SORCS1: variants seen among roughly 807,000 people sequenced by gnomAD.
SORCS1 encodes sortilin related VPS10 domain containing receptor 1.
SORCS1 carries 60 observed loss-of-function variants against 146.1 expected under a neutral mutation model. The ratio of observed to expected loss-of-function variants is 0.41; its 90% CI spans 0.33 to 0.51. The LOEUF (loss-of-function observed/expected upper bound fraction) is 0.51, where lower values mean the gene tolerates loss of function less well. Ranked by LOEUF, SORCS1 falls within the 20% of genes least tolerant of loss-of-function variation. SORCS1 has a pLI of 0.21. For missense variants in SORCS1, 1,352 were observed against 1,487.6 expected, an observed-to-expected ratio of 0.91 and a Z score of 1.50; for synonymous variants, 637 against 584.0, an observed-to-expected ratio of 1.09 and a Z score of -1.31.
At chr10:106,653,918 C>T (rs1850074993) in intron 17 of SORCS1, among the ~76,000 whole-genome samples, 1 of 152,158 alleles carries the variant, frequency 6.6e-6, no homozygotes, top group Non-Finnish European at 1.5e-5. Context: ...CTTAGGATAG[C>T]TGTAAATTCT....
intron 1 of SORCS1, among the ~76,000 whole-genome samples, chr10:107,027,787 A>G (rs1047962371): frequency 1.3e-5 from 2 of 151,872 alleles, no homozygotes; most frequent in Non-Finnish European, 2.9e-5. Context: ...CCAAACACAA[A>G]CCATTATCTC....
At chr10:106,598,769 T>C (rs1338025919) in intron 23 of SORCS1, among the ~76,000 whole-genome samples, 1 of 152,134 alleles carries the variant, frequency 6.6e-6, no homozygotes, top group Non-Finnish European at 1.5e-5. Context: ...ATCCCTTTAT[T>C]TGTTAAGCAG....
At chr10:106,996,601 C>A (rs1957016129) in intron 1 of SORCS1, among the ~76,000 whole-genome samples, 1 of 152,158 alleles carries the variant, frequency 6.6e-6, no homozygotes, top group African/African-American at 2.4e-5. Context: ...TCCTGACCAC[C>A]ACTTGCCTTT....
At chr10:106,672,065 TC>T (rs1337005550) in intron 15 of SORCS1, among the ~76,000 whole-genome samples, 1 of 152,204 alleles carries the variant, frequency 6.6e-6, no homozygotes, top group Non-Finnish European at 1.5e-5. Flanking sequence ...TTCTGAAAGA[TC>T]AGAGTAGAAT....
chr10:106,746,373 G>GA (rs1305083379), intron 5 of SORCS1, among the ~76,000 whole-genome samples: 1 of 152,026 alleles, frequency 6.6e-6, no homozygotes, highest in Non-Finnish European at 1.5e-5. Flanking sequence ...AATAAAAGAG[G>GA]AAAAAAATCC....
At chr10:106,964,145 A>T (rs1026653391) in intron 1 of SORCS1, among the ~76,000 whole-genome samples, 1 of 152,206 alleles carries the variant, frequency 6.6e-6, no homozygotes, top group Non-Finnish European at 1.5e-5. Flanking sequence ...CTTCTGGTTT[A>T]CCTAAAGGTT....
At chr10:106,746,602 A>G (rs529205897) in intron 5 of SORCS1, among the ~76,000 whole-genome samples, 1 of 152,314 alleles carries the variant, frequency 6.6e-6, no homozygotes, top group African/African-American at 2.4e-5. Context: ...TTTTCAAAAA[A>G]GTGTTAAGGT....
chr10:106,654,287 T>A (rs1850109212), intron 17 of SORCS1, among the ~76,000 whole-genome samples: 4 of 152,234 alleles, frequency 2.6e-5, no homozygotes. Context: ...AAGATGTAAT[T>A]ATTCCCAATA....
intron 22 of SORCS1, 56 bp downstream of exon 22, chr10:106,611,852 ATTC>A: frequency 7.7e-7 from 1 of 1,306,674 alleles, no homozygotes. Flanking sequence ...TTTCTGTGAA[ATTC>A]TTCAAGGACA....
At chr10:106,697,494 T>C (rs1039945340) in intron 9 of SORCS1, among the ~76,000 whole-genome samples, 6 of 151,858 alleles carry the variant, frequency 4.0e-5, no homozygotes, top group African/African-American at 1.5e-4. Context: ...AACTACTTGG[T>C]ATAAAGAATG....
At chr10:107,029,203 T>C (rs570592645) in intron 1 of SORCS1, among the ~76,000 whole-genome samples, 2 of 152,346 alleles carry the variant, frequency 1.3e-5, no homozygotes, top group South Asian at 4.1e-4. Context: ...AACCTGACTT[T>C]ATGTTTGTTT....
rs568593334 is a variant in SORCS1, at chr10:107,004,798, T to C, written c.559-48218A>G. 3.3e-5 allele frequency among the ~76,000 whole-genome samples: 5 copies of C among 152,256 alleles called. No individual in the cohort carries two copies. In the South Asian group the frequency reaches 1.0e-3, roughly 32 times the overall value. The stretch of plus-strand genomic sequence containing the variant: ...AAAATATAAAACTTTTCATCTGCAC[T>C]CTAGTCGAGGCATTTTTAAAGGACA... On this transcript the variant is annotated intron_variant, in intron 1 of 25. Coordinates refer to ENST00000263054, the MANE Select transcript of SORCS1 (RefSeq NM_052918.5).
intron 5 of SORCS1, among the ~76,000 whole-genome samples, chr10:106,738,959 A>G (rs1857161517): frequency 6.6e-6 from 1 of 152,204 alleles, no homozygotes. Flanking sequence ...AAGTTCTGAG[A>G]TGACAGGCGT....
At chr10:106,735,581 A>T (rs981839709) in intron 5 of SORCS1, among the ~76,000 whole-genome samples, 2 of 152,226 alleles carry the variant, frequency 1.3e-5, no homozygotes, top group Non-Finnish European at 2.9e-5. Flanking sequence ...AGTGAAGAGC[A>T]TTCCATTTAC....
At chr10:106,947,005 A>C (rs1564840314) in intron 2 of SORCS1, among the ~76,000 whole-genome samples, 4 of 152,220 alleles carry the variant, frequency 2.6e-5, no homozygotes, top group Non-Finnish European at 1.5e-5. Context: ...TGAGGGAGAA[A>C]GAGAGAGGTC....
At chr10:107,163,869 C>T in intron 1 of SORCS1, 100 bp downstream of exon 1, 3 of 1,361,394 alleles carry the variant, frequency 2.2e-6, no homozygotes, top group African/African-American at 1.4e-5. Flanking sequence ...TCTCCCATGT[C>T]CAGAAACCCT....
chr10:107,162,253 A>G (rs1480577563), intron 1 of SORCS1, among the ~76,000 whole-genome samples: 1 of 152,214 alleles, frequency 6.6e-6, no homozygotes, highest in Non-Finnish European at 1.5e-5. Flanking sequence ...TAAAAGCCAG[A>G]AACATTCTGA....
chr10:107,009,673 G>A (rs531044251), intron 1 of SORCS1, among the ~76,000 whole-genome samples: 29 of 152,212 alleles, frequency 1.9e-4, no homozygotes, highest in Admixed American at 1.1e-3. Context: ...ACCAAAATAC[G>A]CAAGATTTAA....
At chr10:106,747,125 A>T (rs1321357441) in intron 5 of SORCS1, among the ~76,000 whole-genome samples, 1 of 152,206 alleles carries the variant, frequency 6.6e-6, no homozygotes, top group Non-Finnish European at 1.5e-5. Context: ...CTTTACCATA[A>T]ATCTCATAAA....
Sources: gnomAD v4.1 joint callset for allele counts (sites outside exome capture counted in the v4.1 genomes callset) on GRCh38, gnomAD v4.1.1 for gene constraint, MANE v1.5 for transcripts, NCBI Gene and HGNC (gene_info 2026-07-23, HGNC 2026-07-21) for gene names.